Variants in DUS2 observed in about 807,000 individuals in gnomAD.
DUS2 encodes the protein dihydrouridine synthase 2, also known as tRNA-dihydrouridine(20) synthase [NAD(P)+]-like.
In DUS2, 52 loss-of-function variants were observed where a neutral mutation model predicts 71.3. The ratio of observed to expected loss-of-function variants is 0.73; its 90% CI spans 0.58 to 0.92. The LOEUF (loss-of-function observed/expected upper bound fraction) is 0.92, where lower values mean the gene tolerates loss of function less well. Among genes scored for constraint, DUS2 ranks in the 40% least tolerant of loss-of-function variants. The probability of loss-of-function intolerance (pLI) is 0.00; values close to 1 mark genes in which losing one functional copy is unlikely to be tolerated. For synonymous variants in DUS2, 204 were observed against 227.8 expected (o/e 0.90, Z 0.94); for missense variants, 558 against 622.6 (o/e 0.90, Z 1.10).
intron 4 of DUS2, 148 bp from the exon 5 acceptor site, chr16:68,053,416 G>T: frequency 1.5e-6 from 1 of 684,662 alleles, no homozygotes; most frequent in Non-Finnish European, 2.5e-6. Context: ...CCTCCCATGT[G>T]CATAGTTATT....
At chr16:68,031,317 G>A (rs1026258920) in intron 2 of DUS2, among the ~76,000 whole-genome samples, 4 of 151,906 alleles carry the variant, frequency 2.6e-5, no homozygotes, top group African/African-American at 4.8e-5. Context: ...GGCATGCGCC[G>A]CCACACCCAG....
Position 68,076,702 on chromosome 16 carries a change from C to A in DUS2, c.1153C>A (p.Gln385Lys). ...GTGGTGCCGGAGGGAGAAGTTGGCA[C>A]AGCCTGTGTATGAAACGGTGAGTTC... Reference protein sequence around the residue: ...LEWCRREKLAQPVYETVQRPL... With the variant: ...LEWCRREKLAKPVYETVQRPL... The change falls in exon 15 of 17, where the codon CAG becomes AAG. Residue 385 changes from glutamine to lysine, a missense_variant. Physicochemically the swap from Gln to Lys is moderately conservative, Grantham distance 53 (BLOSUM62 1). Transcript: ENST00000565263. The A allele has an allele frequency of 1.2e-6, 2 of 1,613,960 alleles. No individual in the cohort carries two copies. The highest frequency in any genetic ancestry group is 1.7e-6 in the Non-Finnish European group (2 of 1,179,874).
chr16:68,035,929 T>TATATATATAC (rs1416625748), intron 2 of DUS2, among the ~76,000 whole-genome samples: 15 of 108,552 alleles, frequency 1.4e-4, no homozygotes, highest in African/African-American at 5.1e-4. Context: ...TATATATATA[T>TATATATATAC]ACACACATAC....
At chr16:68,058,632 G>A (rs1490360316) in intron 7 of DUS2, among the ~76,000 whole-genome samples, 5 of 152,132 alleles carry the variant, frequency 3.3e-5, no homozygotes, top group Non-Finnish European at 7.3e-5. Flanking sequence ...TATATAAGGA[G>A]GATAGGGAAT....
At chr16:68,051,085 A>G (rs145706450) in intron 4 of DUS2, among the ~76,000 whole-genome samples, 1 of 152,338 alleles carries the variant, frequency 6.6e-6, no homozygotes, top group East Asian at 1.9e-4. Context: ...TTATTTCTCA[A>G]GACAGCCTTT....
rs189762198 is a variant in DUS2, at chr16:68,029,840, C to T, written c.-19+4346C>T. Among the ~76,000 whole-genome samples, 33 of 151,664 alleles carry T rather than the reference C, an allele frequency of 2.2e-4. No homozygotes were observed. The East Asian group carries it at 5.9e-3, about 27-fold the overall frequency. ...TTTTAGAGCTGGATGCAGTGGCTCA[C>T]GCCTGTAATCCCAACACTTTGGGAG... On this transcript the variant is annotated intron_variant, in intron 2 of 16. Transcript: ENST00000565263.
intron 2 of DUS2, among the ~76,000 whole-genome samples, chr16:68,031,554 G>T (rs2033439227): frequency 6.6e-6 from 1 of 152,080 alleles, no homozygotes; most frequent in South Asian, 2.1e-4. Context: ...TGTACTTGTG[G>T]CTTGCCCTTC....
chr16:68,076,480 C>T (rs1033737051), intron 14 of DUS2, 152 bp from the exon 15 acceptor site: 2 of 552,168 alleles, frequency 3.6e-6, no homozygotes, highest in Non-Finnish European at 6.6e-6. Flanking sequence ...GAATGGGAGC[C>T]TAGGGGAGCA....
chr16:68,068,098 A>G (rs142862520), intron 10 of DUS2, among the ~76,000 whole-genome samples: 1 of 152,330 alleles, frequency 6.6e-6, no homozygotes, highest in East Asian at 1.9e-4. Context: ...TTGGCTTACC[A>G]TTCACACTTG....
chr16:68,072,608 G>A (rs1816725270), intron 12 of DUS2, among the ~76,000 whole-genome samples: 1 of 152,132 alleles, frequency 6.6e-6, no homozygotes, highest in Admixed American at 6.5e-5. Context: ...CAGCCGGGGC[G>A]CCCCGACTTA....
At chr16:68,051,657 C>T (rs1200056224) in intron 4 of DUS2, among the ~76,000 whole-genome samples, 1 of 152,148 alleles carries the variant, frequency 6.6e-6, no homozygotes, top group African/African-American at 2.4e-5. Flanking sequence ...TCCCAAAATA[C>T]TGGGATTACA....
intron 3 of DUS2, among the ~76,000 whole-genome samples, chr16:68,043,101 C>T (rs2033654832): frequency 6.6e-6 from 1 of 152,084 alleles, no homozygotes; most frequent in Non-Finnish European, 1.5e-5. Flanking sequence ...GATCCCCTCA[C>T]CTGGGCCTCT....
intron 2 of DUS2, among the ~76,000 whole-genome samples, chr16:68,032,454 G>C (rs2033453830): frequency 6.6e-6 from 1 of 152,214 alleles, no homozygotes; most frequent in South Asian, 2.1e-4. Flanking sequence ...GTGGACACAT[G>C]GAGTGTAACT....
At chr16:68,057,373 T>C (rs2033875335) in intron 7 of DUS2, among the ~76,000 whole-genome samples, 1 of 144,480 alleles carries the variant, frequency 6.9e-6, no homozygotes, top group Admixed American at 7.0e-5. Context: ...GAGACACATA[T>C]CCCAGAAAGC....
At chr16:68,051,294 C>T (rs2033775332) in intron 4 of DUS2, among the ~76,000 whole-genome samples, 1 of 152,088 alleles carries the variant, frequency 6.6e-6, no homozygotes, top group South Asian at 2.1e-4. Context: ...AACCATTGAC[C>T]CTGGGGTAAA....
At chr16:68,030,740 C>CT (rs1222387052) in intron 2 of DUS2, among the ~76,000 whole-genome samples, 2 of 151,526 alleles carry the variant, frequency 1.3e-5, no homozygotes, top group Admixed American at 1.3e-4. Context: ...TTTTCTTTTT[C>CT]TTTTTTTTGG....
Position 68,056,647 on chromosome 16 carries a change from T to A in DUS2, c.369+223T>A, listed in dbSNP as rs35169145. 1.1e-4 allele frequency among the ~76,000 whole-genome samples: 16 copies of A among 152,036 alleles called. No homozygotes were observed. The East Asian group carries it at 3.1e-3, about 29-fold the overall frequency. ...AAACTTATGAAGATAACTTCTGTGG[T>A]TATGTAACAGAATATCCCTGTTCTT... On this transcript the variant is annotated intron_variant, in intron 7 of 16. Transcript: ENST00000565263.
At chr16:68,024,095 C>CTTTTTTTTTTTTTTTTTTTTTTTTTTT (rs71847664) in intron 1 of DUS2, 1 of 135,550 alleles carries the variant, frequency 7.4e-6, no homozygotes, top group African/African-American at 2.8e-5. Flanking sequence ...ATACGAGTCA[C>CTTTTTTTTTTTTTTTTTTTTTTTTTTT]TTTTTTTTTT....
At chr16:68,033,521 G>A (rs1479425334) in intron 2 of DUS2, among the ~76,000 whole-genome samples, 1 of 151,408 alleles carries the variant, frequency 6.6e-6, no homozygotes, top group African/African-American at 2.4e-5. Flanking sequence ...GTCTTGCTCT[G>A]TCACCCAGGT....
Sources: allele counts gnomAD v4.1 joint callset (sites outside exome capture counted in the v4.1 genomes callset), GRCh38; gene constraint gnomAD v4.1.1; transcripts MANE v1.5; gene names NCBI Gene and HGNC (gene_info 2026-07-23, HGNC 2026-07-21).